Variants in MORN4 observed in about 807,000 individuals in gnomAD.
MORN4 encodes the protein MORN repeat containing 4.
Under a neutral mutation model 16.4 loss-of-function variants are expected in MORN4, and 8 were observed. That is an observed-to-expected ratio of 0.49 (90% confidence interval 0.29 to 0.88). MORN4 has a LOEUF of 0.88. Ranked by LOEUF, MORN4 falls within the 40% of genes least tolerant of loss-of-function variation. MORN4 has a pLI of 0.09. For synonymous variants in MORN4, 53 were observed against 68.9 expected (o/e 0.77, Z 1.14); for missense variants, 159 against 182.9 (o/e 0.87, Z 0.75).
At chr10:97,619,047 G>A (rs534806850) in intron 2 of MORN4, among the ~76,000 whole-genome samples, 18 of 152,294 alleles carry the variant, frequency 1.2e-4, no homozygotes, top group African/African-American at 3.6e-4. Context: ...GGCATGGGCC[G>A]GGCATGGTGG....
At chr10:97,626,089 A>T (rs1380066860) in intron 1 of MORN4, among the ~76,000 whole-genome samples, 1 of 147,732 alleles carries the variant, frequency 6.8e-6, no homozygotes, top group Non-Finnish European at 1.5e-5. Flanking sequence ...TTTTTTAAAG[A>T]GAACAAGCGG....
intron 1 of MORN4, among the ~76,000 whole-genome samples, chr10:97,623,030 G>A (rs1055327326): frequency 2.8e-4 from 43 of 151,960 alleles, no homozygotes; most frequent in African/African-American, 9.9e-4. Context: ...GACTACAGGC[G>A]CACACTACCA....
rs78229835 is a variant in MORN4 at position 97,616,102 on chromosome 10, C to T, written c.*161G>A. ...GCTGGCCAGCATCCTCAGCACTTTTCTGTGGTCCAGTTCTGGAATGGCAGG... is the reference window on the plus strand; with the variant it reads ...GCTGGCCAGCATCCTCAGCACTTTTTTGTGGTCCAGTTCTGGAATGGCAGG... On this transcript the variant is annotated 3_prime_UTR_variant, in exon 5 of 5. Transcript: ENST00000307450. 6,598 of 659,186 alleles carry T rather than the reference C, an allele frequency of 0.01. 364 individuals are homozygous for T. The African/African-American group carries it at 0.11, about 11-fold the overall frequency. 40.8% of individuals were successfully genotyped at this position (659,186 alleles called of 1,614,324 possible).
At chr10:97,620,936 C>T (rs2041286164) in intron 1 of MORN4, among the ~76,000 whole-genome samples, 1 of 152,116 alleles carries the variant, frequency 6.6e-6, no homozygotes, top group African/African-American at 2.4e-5. Context: ...GCTTGGCCAA[C>T]ATGGTAAAAC....
chr10:97,623,282 T>C (rs576918997), intron 1 of MORN4, among the ~76,000 whole-genome samples: 1 of 152,176 alleles, frequency 6.6e-6, no homozygotes, highest in Admixed American at 6.5e-5. Flanking sequence ...AAATCACTAT[T>C]GAAAAGTCCT....
Position 97,616,663 on chromosome 10 carries a change from T to A in MORN4, c.292+15A>T, listed in dbSNP as rs2041239059. 2 of 1,593,896 alleles carry A rather than the reference T, an allele frequency of 1.3e-6. No individual in the cohort carries two copies. ...TGCCCACCTAAGTCAGCCATCCTGC[T>A]GGGCTGCAACTTACCAAAACCATCT... On this transcript the variant is annotated intron_variant, in intron 4 of 4. Coordinates refer to ENST00000307450, the MANE Select transcript of MORN4 (RefSeq NM_178832.4).
At chr10:97,625,660 G>T (rs1252390729) in intron 1 of MORN4, among the ~76,000 whole-genome samples, 1 of 152,168 alleles carries the variant, frequency 6.6e-6, no homozygotes, top group East Asian at 1.9e-4. Context: ...CAGCAATTTT[G>T]ACTAAAGAGC....
chr10:97,616,160 G>T lies in MORN4; in HGVS notation c.*103C>A. On this transcript the variant is annotated 3_prime_UTR_variant, in exon 5 of 5. Transcript: ENST00000307450. ...GCACATACAAGGCCTCTGCTCCACT[G>T]TCATTGTCAACTCATCTCAGCTCTG... 7.9e-7 allele frequency: 1 copy of T among 1,267,366 alleles called. No individual in the cohort carries two copies. The highest frequency in any genetic ancestry group is 1.1e-6 in the Non-Finnish European group (1 of 939,194). The allele number at this position is 1,267,366 out of a possible 1,614,324, so 78.5% of individuals were successfully genotyped here.
Position 97,633,371 on chromosome 10 carries a change from C to G in MORN4, c.-55G>C, listed in dbSNP as rs528951164. On this transcript the variant is annotated 5_prime_UTR_variant, in exon 1 of 5. Coordinates refer to ENST00000307450, the MANE Select transcript of MORN4 (RefSeq NM_178832.4). This position sits in a 1 kb window ranked among gnomAD's most constrained non-coding sequence, Gnocchi z 4.5. ...CCTGGGGCCGGCCTTTCGGGATGAC[C>G]GTCACGCCTGGACGCAGGGTTCCAG... 4.5e-5 allele frequency: 58 copies of G among 1,289,744 alleles called. No individual in the cohort carries two copies. Among genetic ancestry groups the G allele is most frequent in the Non-Finnish European group, 5.9e-5 (58 of 988,916 alleles). 79.9% of individuals were successfully genotyped at this position (1,289,744 alleles called of 1,614,324 possible).
intron 2 of MORN4, among the ~76,000 whole-genome samples, chr10:97,619,122 C>T (rs369996057): frequency 7.4e-4 from 112 of 152,104 alleles, no homozygotes; most frequent in Non-Finnish European, 1.4e-3. Flanking sequence ...GTCAGGAGTT[C>T]GAGACCAGCC....
intron 2 of MORN4, among the ~76,000 whole-genome samples, chr10:97,618,893 G>A (rs888430215): frequency 1.7e-4 from 26 of 149,146 alleles, no homozygotes; most frequent in African/African-American, 6.4e-4. Flanking sequence ...TTAGAGTTCT[G>A]TGATCTTGAG....
At chr10:97,629,174 G>A (rs2041374058) in intron 1 of MORN4, among the ~76,000 whole-genome samples, 1 of 152,032 alleles carries the variant, frequency 6.6e-6, no homozygotes, top group Non-Finnish European at 1.5e-5. Context: ...GATCACCTGA[G>A]GTCGGAAGTT....
intron 1 of MORN4, among the ~76,000 whole-genome samples, chr10:97,620,740 G>T (rs2041283321): frequency 6.6e-6 from 1 of 152,102 alleles, no homozygotes; most frequent in African/African-American, 2.4e-5. Context: ...CACTTTGGGA[G>T]GCCGAGGTGG....
intron 3 of MORN4, 135 bp from the exon 4 acceptor site, chr10:97,616,922 A>G: frequency 1.5e-6 from 1 of 678,348 alleles, no homozygotes; most frequent in South Asian, 1.7e-5. Flanking sequence ...AGCTCCACCT[A>G]CCCCACCTAT....
At position 97,625,083 on chromosome 10, in the gene MORN4, G is replaced by A. The variant is rs190978988; in HGVS notation, c.-30-5400C>T. 4.7e-3 allele frequency among the ~76,000 whole-genome samples: 712 copies of A among 152,346 alleles called. 3 individuals are homozygous for A. The highest frequency in any genetic ancestry group is 0.02 in the Middle Eastern group (6 of 294). On this transcript the variant is annotated intron_variant, in intron 1 of 4. Transcript: ENST00000307450. Reference sequence around the variant, plus strand: ...TTATTATTATTTCCACTTTAGGGATGAGGAAACTAAGGTGCAGAGAGGATA... The same window carrying A: ...TTATTATTATTTCCACTTTAGGGATAAGGAAACTAAGGTGCAGAGAGGATA...
At chr10:97,626,712 T>G (rs2041350594) in intron 1 of MORN4, among the ~76,000 whole-genome samples, 1 of 151,018 alleles carries the variant, frequency 6.6e-6, no homozygotes, top group Non-Finnish European at 1.5e-5. Context: ...CATCTCAGCC[T>G]TCCAAAGTGC....
intron 1 of MORN4, among the ~76,000 whole-genome samples, chr10:97,624,756 T>C (rs1047620676): frequency 6.6e-6 from 1 of 152,104 alleles, no homozygotes; most frequent in Non-Finnish European, 1.5e-5. Flanking sequence ...ACTGTTATTC[T>C]TCCCCAGGCT....
upstream of MORN4, among the ~76,000 whole-genome samples, chr10:97,633,850 C>G (rs557360671): frequency 6.6e-6 from 1 of 152,360 alleles, no homozygotes; most frequent in South Asian, 2.1e-4. This position sits in a 1 kb window ranked among gnomAD's most constrained non-coding sequence, Gnocchi z 4.5. Flanking sequence ...AATCCAGCTT[C>G]AGAGAGGCAG....
At chr10:97,617,357 G>T (rs1252480090) in intron 2 of MORN4, 35 bp from the exon 3 acceptor site, 1 of 1,564,024 alleles carries the variant, frequency 6.4e-7, no homozygotes, top group Non-Finnish European at 8.8e-7. Context: ...CAGGTTGGAA[G>T]GAGGCAGCTT....
Sources: allele counts gnomAD v4.1 joint callset (sites outside exome capture counted in the v4.1 genomes callset), GRCh38; gene constraint gnomAD v4.1.1; non-coding constraint Gnocchi (gnomAD v3.1); transcripts MANE v1.5; gene names NCBI Gene and HGNC (gene_info 2026-07-23, HGNC 2026-07-21).